DGKB: variants seen among roughly 807,000 people sequenced by gnomAD.
DGKB encodes the protein 90 kDa diacylglycerol kinase.
Under a neutral mutation model 114.3 loss-of-function variants are expected in DGKB, and 67 were observed. That is an observed-to-expected ratio of 0.59 (90% CI 0.48 to 0.72). DGKB has a LOEUF of 0.72. Among genes scored for constraint, DGKB ranks in the 30% least tolerant of loss-of-function variants. The probability of loss-of-function intolerance (pLI) is 0.00; values close to 1 mark genes in which losing one functional copy is unlikely to be tolerated. For synonymous variants in DGKB, 398 were observed against 323.1 expected (o/e 1.23, Z -2.49); for missense variants, 907 against 975.2 (o/e 0.93, Z 0.93).
At chr7:14,693,517 C>T (rs1823261077) in intron 9 of DGKB, among the ~76,000 whole-genome samples, 1 of 151,550 alleles carries the variant, frequency 6.6e-6, no homozygotes, top group African/African-American at 2.4e-5. Context: ...AACCTGGCTC[C>T]TGCTGATACA....
At chr7:14,887,777 T>C (rs1052275842) in intron 1 of DGKB, among the ~76,000 whole-genome samples, 3 of 151,808 alleles carry the variant, frequency 2.0e-5, no homozygotes, top group African/African-American at 7.2e-5. Context: ...ATTTTTACTC[T>C]CTATCTTCTC....
At position 14,646,200 on chromosome 7, in the gene DGKB, C is replaced by T. The variant is rs76260732; in HGVS notation, c.1135-15932G>A. Among the ~76,000 whole-genome samples the T allele has an allele frequency of 4.0e-3, 606 of 151,984 alleles. 3 individuals are homozygous for T. The highest frequency in any genetic ancestry group is 0.014 in the African/African-American group (572 of 41,446). On this transcript the variant is annotated intron_variant, in intron 13 of 25. Coordinates refer to ENST00000402815, the MANE Select transcript of DGKB (RefSeq NM_001350709.2). Reference sequence around the variant, plus strand: ...AAAGATATTCCAATGCAAACTGAAACGAAAAGTAGGCAGGATTATCTATAT... The same window carrying T: ...AAAGATATTCCAATGCAAACTGAAATGAAAAGTAGGCAGGATTATCTATAT...
At chr7:14,569,392 T>A (rs1798048103) in intron 20 of DGKB, among the ~76,000 whole-genome samples, 1 of 152,236 alleles carries the variant, frequency 6.6e-6, no homozygotes, top group Admixed American at 6.5e-5. Context: ...ACATAGTTTT[T>A]ATTAGTTTCT....
chr7:14,354,543 G>C (rs1814098197), intron 21 of DGKB, among the ~76,000 whole-genome samples: 1 of 152,018 alleles, frequency 6.6e-6, no homozygotes, highest in African/African-American at 2.4e-5. Context: ...CACTTACTTT[G>C]TATTAGAAAA....
intron 13 of DGKB, among the ~76,000 whole-genome samples, chr7:14,659,871 G>T (rs1336903474): frequency 6.6e-6 from 1 of 151,940 alleles, no homozygotes; most frequent in Non-Finnish European, 1.5e-5. Context: ...CTGTGGGTTT[G>T]TCATAGATAG....
In DGKB at chr7:14,682,798, A is replaced by G. The variant is rs778669691; in HGVS notation, c.873T>C (p.Pro291=). ...TCACATAGGTCTTGATGCAAGAGGG[A>G]GGTGCTCGAGCCACACAGCGCTCAT... is the stretch of plus-strand genomic sequence containing the variant. ...TVHERCVARA[P]PSCIKTYVKS... The change falls in exon 11 of 26, where the codon CCT becomes CCC. Residue 291 remains proline (P), a synonymous_variant. Coordinates refer to ENST00000402815, the MANE Select transcript of DGKB (RefSeq NM_001350709.2). 1 of 1,606,134 alleles carries G rather than the reference A, an allele frequency of 6.2e-7. No homozygotes were observed. Among genetic ancestry groups the G allele is most frequent in the South Asian group, 1.1e-5 (1 of 90,176 alleles).
intron 21 of DGKB, among the ~76,000 whole-genome samples, chr7:14,349,714 T>C (rs1332220708): frequency 6.6e-6 from 1 of 152,184 alleles, no homozygotes; most frequent in Non-Finnish European, 1.5e-5. Flanking sequence ...TTGAAGGCTG[T>C]TAAATTTTAT....
chr7:14,701,407 G>A (rs1037382147), intron 7 of DGKB, among the ~76,000 whole-genome samples: 1 of 152,070 alleles, frequency 6.6e-6, no homozygotes, highest in Non-Finnish European at 1.5e-5. Context: ...GACAAGGCTG[G>A]TGCCTTTCTT....
At chr7:14,585,192 T>G (rs1042534335) in intron 17 of DGKB, among the ~76,000 whole-genome samples, 4 of 152,294 alleles carry the variant, frequency 2.6e-5, no homozygotes, top group Non-Finnish European at 4.4e-5. Flanking sequence ...TTAACCTTTG[T>G]GAGACATGTT....
chr7:14,684,459 T>C, intron 10 of DGKB, among the ~76,000 whole-genome samples: 1 of 152,174 alleles, frequency 6.6e-6, no homozygotes, highest in Non-Finnish European at 1.5e-5. Context: ...AATGAAGGGG[T>C]TATAATATCT....
chr7:14,745,637 A>C (rs1380963820), intron 4 of DGKB, among the ~76,000 whole-genome samples: 2 of 152,288 alleles, frequency 1.3e-5, no homozygotes, highest in East Asian at 3.9e-4. Flanking sequence ...GGGCAGAGCC[A>C]CCAAAAATTT....
intron 2 of DGKB, among the ~76,000 whole-genome samples, chr7:14,817,906 A>C (rs1026083667): frequency 6.6e-6 from 1 of 150,750 alleles, no homozygotes; most frequent in Non-Finnish European, 1.5e-5. Flanking sequence ...TTATGGCATG[A>C]TGCTGACAGC....
At chr7:14,642,455 C>T (rs1035115156) in intron 13 of DGKB, among the ~76,000 whole-genome samples, 1 of 152,102 alleles carries the variant, frequency 6.6e-6, no homozygotes, top group Non-Finnish European at 1.5e-5. Context: ...TCTGCATTGG[C>T]AGTTGATAGA....
At chr7:14,761,335 C>T (rs1293011905) in intron 2 of DGKB, among the ~76,000 whole-genome samples, 1 of 152,142 alleles carries the variant, frequency 6.6e-6, no homozygotes, top group African/African-American at 2.4e-5. Flanking sequence ...CATGAATTAT[C>T]TACATGTCTT....
intron 21 of DGKB, among the ~76,000 whole-genome samples, chr7:14,359,497 A>G (rs575908615): frequency 8.5e-5 from 13 of 152,190 alleles, no homozygotes; most frequent in Non-Finnish European, 1.5e-4. Flanking sequence ...GCTTCTGCAC[A>G]GCAAAAGAAA....
intron 1 of DGKB, among the ~76,000 whole-genome samples, chr7:14,919,174 T>A (rs529945592): frequency 6.8e-6 from 1 of 146,520 alleles, no homozygotes; most frequent in South Asian, 2.2e-4. Flanking sequence ...GACTCAATAC[T>A]GAAGAAAAAC....
At position 14,446,192 on chromosome 7, in the gene DGKB, C is replaced by T. The variant is rs1158773216; in HGVS notation, c.1835+31969G>A. 2.6e-5 allele frequency among the ~76,000 whole-genome samples: 4 copies of T among 152,102 alleles called. No homozygotes were observed. The South Asian group carries it at 6.2e-4, about 24-fold the overall frequency. On this transcript the variant is annotated intron_variant, in intron 21 of 25. Transcript: ENST00000402815. ...CCTCTAAAAGACTTAAGAGAAAATC[C>T]GGGCGATAGTAGACCCAAGAGCCAG... is the stretch of plus-strand genomic sequence containing the variant.
intron 6 of DGKB, among the ~76,000 whole-genome samples, chr7:14,704,876 G>C (rs1585821860): frequency 1.3e-5 from 2 of 152,186 alleles, no homozygotes; most frequent in South Asian, 4.2e-4. Flanking sequence ...GGAAAAAACA[G>C]AACAGAAAAA....
intron 23 of DGKB, among the ~76,000 whole-genome samples, chr7:14,315,152 C>G (rs1322665263): frequency 1.4e-5 from 2 of 143,770 alleles, no homozygotes; most frequent in African/African-American, 5.0e-5. Context: ...TGGAAAGGAA[C>G]AACCGGTACC....
Sources: allele counts gnomAD v4.1 joint callset (sites outside exome capture counted in the v4.1 genomes callset), GRCh38; gene constraint gnomAD v4.1.1; transcripts MANE v1.5; gene names NCBI Gene and HGNC (gene_info 2026-07-23, HGNC 2026-07-21).